CHRM3: variants seen among roughly 807,000 people sequenced by gnomAD.
The protein encoded by CHRM3 is cholinergic receptor muscarinic 3.
CHRM3 carries 11 observed loss-of-function variants against 41.8 expected under a neutral mutation model. The ratio of observed to expected loss-of-function variants is 0.26; its 90% CI spans 0.17 to 0.44. The LOEUF (loss-of-function observed/expected upper bound fraction) is 0.44, where lower values mean the gene tolerates loss of function less well. Ranked by LOEUF, CHRM3 falls within the 20% of genes least tolerant of loss-of-function variation. The probability of loss-of-function intolerance (pLI) is 1.00; values close to 1 mark genes in which losing one functional copy is unlikely to be tolerated. For missense variants in CHRM3, 571 were observed against 745.4 expected (o/e 0.77, Z 2.72); for synonymous variants, 297 against 301.4 (o/e 0.99, Z 0.15).
At chr1:239,521,325 G>A (rs559911318) in intron 2 of CHRM3, among the ~76,000 whole-genome samples, 1 of 152,228 alleles carries the variant, frequency 6.6e-6, no homozygotes, top group East Asian at 1.9e-4. Context: ...GACCTTTAGA[G>A]TTATGGTTCC....
chr1:239,629,390 C>A (rs1402555137), intron 3 of CHRM3: 1 of 136,468 alleles, frequency 7.3e-6, no homozygotes, highest in East Asian at 2.2e-4. Context: ...CACTGGCCTG[C>A]GCCCACTGTC....
intron 6 of CHRM3, among the ~76,000 whole-genome samples, chr1:239,842,427 G>A (rs780799708): frequency 4.4e-4 from 67 of 152,176 alleles, no homozygotes; most frequent in Middle Eastern, 6.8e-3. Flanking sequence ...TAGAGACGGG[G>A]TTTCACCATG....
intron 1 of CHRM3, among the ~76,000 whole-genome samples, chr1:239,410,277 A>G (rs1452787535): frequency 3.3e-5 from 5 of 152,072 alleles, no homozygotes; most frequent in Non-Finnish European, 5.9e-5. Flanking sequence ...GTGTTTCTCA[A>G]TGGGATTTTT....
chr1:239,708,182 T>C (rs765491552), intron 5 of CHRM3, among the ~76,000 whole-genome samples: 1 of 152,208 alleles, frequency 6.6e-6, no homozygotes, highest in Non-Finnish European at 1.5e-5. Flanking sequence ...TGCTAAATGA[T>C]AGCAACAAGC....
intron 5 of CHRM3, among the ~76,000 whole-genome samples, chr1:239,691,520 G>A (rs530603020): frequency 6.6e-6 from 1 of 152,246 alleles, no homozygotes; most frequent in South Asian, 2.1e-4. Context: ...TAAACAAAAT[G>A]TCAACTTGCG....
intron 3 of CHRM3, among the ~76,000 whole-genome samples, chr1:239,559,218 A>G (rs1660647864): frequency 6.6e-6 from 1 of 152,180 alleles, no homozygotes; most frequent in Non-Finnish European, 1.5e-5. Context: ...TGTCTCTATT[A>G]TTCACAGTCT....
chr1:239,488,603 T>A (rs1457621306), intron 1 of CHRM3, among the ~76,000 whole-genome samples: 1 of 150,764 alleles, frequency 6.6e-6, no homozygotes, highest in Admixed American at 6.6e-5. Flanking sequence ...TAGTCCCAGC[T>A]ACTTGAGAGG....
At chr1:239,697,489 G>A (rs1411338733) in intron 5 of CHRM3, among the ~76,000 whole-genome samples, 1 of 152,016 alleles carries the variant, frequency 6.6e-6, no homozygotes, top group Non-Finnish European at 1.5e-5. Flanking sequence ...TCACCATTTA[G>A]CATGTTTCAG....
intron 1 of CHRM3, among the ~76,000 whole-genome samples, chr1:239,421,205 G>A (rs1021291933): frequency 2.6e-5 from 4 of 152,108 alleles, no homozygotes; most frequent in African/African-American, 4.8e-5. Flanking sequence ...CAGTTCTGCC[G>A]TATGTTCACA....
intron 5 of CHRM3, among the ~76,000 whole-genome samples, chr1:239,812,102 C>T (rs1671164341): frequency 6.6e-6 from 1 of 152,194 alleles, no homozygotes; most frequent in African/African-American, 2.4e-5. Context: ...TGCAGTTGCA[C>T]TATCTCAGCT....
intron 4 of CHRM3, among the ~76,000 whole-genome samples, chr1:239,651,868 C>T (rs940171928): frequency 6.6e-6 from 1 of 152,064 alleles, no homozygotes; most frequent in East Asian, 1.9e-4. Flanking sequence ...CACACCCCTG[C>T]AAAGCAAGGT....
intron 1 of CHRM3, among the ~76,000 whole-genome samples, chr1:239,402,357 C>T (rs1660051406): frequency 6.6e-6 from 1 of 152,210 alleles, no homozygotes; most frequent in South Asian, 2.1e-4. Context: ...TACTTGCCAC[C>T]TGTTCTCACT....
At chr1:239,514,967 A>G (rs938491421) in intron 2 of CHRM3, among the ~76,000 whole-genome samples, 3 of 152,198 alleles carry the variant, frequency 2.0e-5, no homozygotes, top group Non-Finnish European at 4.4e-5. Context: ...TGTCACTTCC[A>G]TAAATGAAGA....
rs1386506793 is a variant in CHRM3, at chr1:239,600,723, TCTTCCCTCCCTC to T, written c.-312-31487_-312-31476del. On this transcript the variant is annotated intron_variant, in intron 3 of 6. Transcript: ENST00000676153. ...TTCCTCCCCTTCCTTCCTCCTTCCT[TCTTCCCTCCCTC>T]CTTCCCTCCCTCCCTCCTTCTTTCC... is the stretch of plus-strand genomic sequence containing the variant. 2.0e-5 allele frequency among the ~76,000 whole-genome samples: 3 copies of T among 150,724 alleles called. No homozygotes were observed. In the South Asian group the frequency reaches 6.3e-4, roughly 32 times the overall value.
rs1558242216 is a variant in CHRM3, at chr1:239,914,631, A to G, written c.*5407A>G. On this transcript the variant is annotated 3_prime_UTR_variant, in exon 7 of 7. Transcript: ENST00000676153. ...AACAAAGACAAACTTTTTATTGTAT[A>G]AAACAGTAGAATTCATGGAAGGGAT... 1 of 167,108 alleles carries G rather than the reference A, an allele frequency of 6.0e-6. No homozygotes were observed. The highest frequency in any genetic ancestry group is 2.4e-5 in the African/African-American group (1 of 41,466). 10.4% of individuals were successfully genotyped at this position (167,108 alleles called of 1,614,324 possible).
At chr1:239,595,798 T>G (rs1664709300) in intron 3 of CHRM3, among the ~76,000 whole-genome samples, 1 of 152,224 alleles carries the variant, frequency 6.6e-6, no homozygotes, top group South Asian at 2.1e-4. Context: ...ATATTCTAAT[T>G]TAAACATCAG....
intron 3 of CHRM3, among the ~76,000 whole-genome samples, chr1:239,627,181 T>A (rs1404726988): frequency 1.3e-5 from 1 of 78,400 alleles, no homozygotes; most frequent in African/African-American, 5.2e-5. Context: ...TGAATCTGGG[T>A]GCTCCTGTAT....
At position 239,645,908 on chromosome 1, in the gene CHRM3, T is replaced by C. The variant is rs533872943; in HGVS notation, c.-250+13622T>C. On this transcript the variant is annotated intron_variant, in intron 4 of 6. Transcript: ENST00000676153. ...ACATAGTTCCATAACATGGAGAAAT[T>C]AAGTTACATTCAAGAGAAATGAGAG... Among the ~76,000 whole-genome samples, 9 of 148,268 alleles carry C rather than the reference T, an allele frequency of 6.1e-5. No homozygotes were observed. The South Asian group carries it at 2.0e-3, about 32-fold the overall frequency.
chr1:239,871,395 G>C (rs1362233482), intron 6 of CHRM3, among the ~76,000 whole-genome samples: 2 of 151,946 alleles, frequency 1.3e-5, no homozygotes, highest in African/African-American at 4.8e-5. Flanking sequence ...GCATGCGCCA[G>C]CATGCCCAGC....
Sources: gnomAD v4.1 joint callset for allele counts (sites outside exome capture counted in the v4.1 genomes callset) on GRCh38, gnomAD v4.1.1 for gene constraint, MANE v1.5 for transcripts, NCBI Gene and HGNC (gene_info 2026-07-23, HGNC 2026-07-21) for gene names.